The following ELMO1 variants were observed in gnomAD, a reference collection of about 807,000 sequenced individuals.
ELMO1 encodes engulfment and cell motility 1, also known as engulfment and cell motility protein 1.
In ELMO1, 26 loss-of-function variants were observed where a neutral mutation model predicts 98.9. The observed-to-expected ratio is 0.26, with a 90% CI of 0.19 to 0.36. The LOEUF (loss-of-function observed/expected upper bound fraction) is 0.36. Ranked by LOEUF, ELMO1 falls within the 10% of genes least tolerant of loss-of-function variation. The pLI, the probability that ELMO1 is intolerant of heterozygous loss-of-function variation, is 1.00. For synonymous variants in ELMO1, 346 were observed against 346.0 expected (o/e 1.00, Z 0.00); for missense variants, 627 against 935.2 (o/e 0.67, Z 4.30).
rs74482759 is a variant in ELMO1 at position 37,387,284 on chromosome 7, A to C, written c.-73-44521T>G. 1.3e-3 allele frequency among the ~76,000 whole-genome samples: 203 copies of C among 152,280 alleles called. 2 individuals are homozygous for C. The highest frequency in any genetic ancestry group is 4.6e-3 in the African/African-American group (190 of 41,556). On this transcript the variant is annotated intron_variant, in intron 1 of 21. Transcript: ENST00000310758. Reference sequence around the variant, plus strand: ...ACTGTCTCACAGTCGTGGAGGCTAGAAGTTACAAGGCCAAGATGTCAACAG... The same window carrying C: ...ACTGTCTCACAGTCGTGGAGGCTAGCAGTTACAAGGCCAAGATGTCAACAG...
intron 1 of ELMO1, among the ~76,000 whole-genome samples, chr7:37,372,601 C>G (rs1290826896): frequency 6.6e-6 from 1 of 152,178 alleles, no homozygotes; most frequent in Non-Finnish European, 1.5e-5. Flanking sequence ...ATAATGAGTG[C>G]TTTTTATAAC....
At position 37,069,093 on chromosome 7, in the gene ELMO1, G is replaced by C. The variant is rs1797135567; in HGVS notation, c.1300+27526C>G. 5.9e-5 allele frequency among the ~76,000 whole-genome samples: 9 copies of C among 152,208 alleles called. No individual in the cohort carries two copies. In the South Asian group the frequency reaches 1.9e-3, roughly 32 times the overall value. On this transcript the variant is annotated intron_variant, in intron 15 of 21. Transcript: ENST00000310758. ...CCTTCATTCCTCTAAGATTGCAGCT[G>C]CTGCTCCCTGGGAGCCTCCCAGTGG... is the stretch of plus-strand genomic sequence containing the variant.
chr7:37,133,716 T>G (rs1787079021), intron 13 of ELMO1, among the ~76,000 whole-genome samples: 1 of 152,154 alleles, frequency 6.6e-6, no homozygotes, highest in Non-Finnish European at 1.5e-5. Flanking sequence ...TGATGGGCTT[T>G]GTGAACTGTC....
intron 15 of ELMO1, among the ~76,000 whole-genome samples, chr7:37,041,439 A>T (rs1795501798): frequency 6.6e-6 from 1 of 152,194 alleles, no homozygotes; most frequent in African/African-American, 2.4e-5. Context: ...TTGGGATTGC[A>T]GCAGTGGTCT....
At chr7:37,067,776 C>T (rs567208366) in intron 15 of ELMO1, among the ~76,000 whole-genome samples, 4 of 151,262 alleles carry the variant, frequency 2.6e-5, no homozygotes, top group African/African-American at 9.7e-5. Flanking sequence ...GTTATTAACA[C>T]CATAAAGGTT....
intron 2 of ELMO1, among the ~76,000 whole-genome samples, chr7:37,317,269 C>T (rs1388584432): frequency 6.6e-6 from 1 of 152,172 alleles, no homozygotes; most frequent in Non-Finnish European, 1.5e-5. Flanking sequence ...TACGGTGTCC[C>T]TCCAGTGAAC....
chr7:37,262,726 G>A (rs1796036737), intron 5 of ELMO1, among the ~76,000 whole-genome samples: 1 of 152,240 alleles, frequency 6.6e-6, no homozygotes, highest in Admixed American at 6.5e-5. Context: ...ACTGTGGCAA[G>A]CCAGGTGGCG....
At chr7:37,107,149 C>T (rs1225697425) in intron 14 of ELMO1, among the ~76,000 whole-genome samples, 3 of 152,102 alleles carry the variant, frequency 2.0e-5, no homozygotes, top group Non-Finnish European at 2.9e-5. Flanking sequence ...ATTAAAAATA[C>T]ATGTATGAAC....
At chr7:37,205,002 G>C (rs1268033195) in intron 13 of ELMO1, among the ~76,000 whole-genome samples, 2 of 152,206 alleles carry the variant, frequency 1.3e-5, no homozygotes, top group Non-Finnish European at 2.9e-5. Context: ...TAGACACAGA[G>C]TACTGATTGG....
chr7:37,256,697 A>G (rs564692204), intron 6 of ELMO1, among the ~76,000 whole-genome samples: 13 of 132,586 alleles, frequency 9.8e-5, no homozygotes, highest in African/African-American at 3.7e-4. Flanking sequence ...GGAAGGAAGA[A>G]AGGAAGGAAG....
At chr7:37,277,149 G>A (rs1480505966) in intron 4 of ELMO1, among the ~76,000 whole-genome samples, 1 of 152,258 alleles carries the variant, frequency 6.6e-6, no homozygotes, top group East Asian at 1.9e-4. Context: ...CACCAAGGCA[G>A]ATACAAAGTT....
At chr7:37,235,523 C>T (rs1794413401) in intron 7 of ELMO1, among the ~76,000 whole-genome samples, 1 of 152,158 alleles carries the variant, frequency 6.6e-6, no homozygotes, top group Admixed American at 6.5e-5. Context: ...CCCATATACA[C>T]GCCATGGGAG....
At chr7:37,091,271 C>T (rs2129248725) in intron 15 of ELMO1, among the ~76,000 whole-genome samples, 1 of 152,166 alleles carries the variant, frequency 6.6e-6, no homozygotes, top group South Asian at 2.1e-4. Flanking sequence ...CCATGCCCGG[C>T]TAATTTTGTA....
intron 13 of ELMO1, among the ~76,000 whole-genome samples, chr7:37,163,614 T>C (rs1789397760): frequency 6.6e-6 from 1 of 152,058 alleles, no homozygotes; most frequent in Non-Finnish European, 1.5e-5. Flanking sequence ...GTTCTTGCGA[T>C]AGTTTACTGA....
In ELMO1 at chr7:37,164,652, A is replaced by G. The variant is rs1293004809; in HGVS notation, c.1087-31418T>C. On this transcript the variant is annotated intron_variant, in intron 13 of 21. Transcript: ENST00000310758. ...TGTCAAAGATCAGATAGTTGTAGAT[A>G]TGTGGCATTATTTCTGAGGGCTCTG... is the stretch of plus-strand genomic sequence containing the variant. Among the ~76,000 whole-genome samples, 24 of 151,676 alleles carry G rather than the reference A, an allele frequency of 1.6e-4. No homozygotes were observed. The East Asian group carries it at 4.5e-3, about 28-fold the overall frequency.
intron 13 of ELMO1, among the ~76,000 whole-genome samples, chr7:37,171,803 C>G (rs982531574): frequency 1.6e-4 from 24 of 152,034 alleles, no homozygotes; most frequent in African/African-American, 5.6e-4. Flanking sequence ...CCTTTCTCTT[C>G]TAATACATTT....
chr7:36,853,775 C>T lies in ELMO1; in HGVS notation c.*1776G>A, dbSNP rs149347670. Among the ~76,000 whole-genome samples, 375 of 152,284 alleles carry T rather than the reference C, an allele frequency of 2.5e-3. 1 individual carries two copies. The highest frequency in any genetic ancestry group is 8.4e-3 in the African/African-American group (350 of 41,566). ...GGCCAGAGTGGCTGGTGCTGTGCCA[C>T]GCTTAATACTGCATGCTTGGACCCT... On this transcript the variant is annotated 3_prime_UTR_variant, in exon 22 of 22. Coordinates refer to ENST00000310758, the MANE Select transcript of ELMO1 (RefSeq NM_014800.11).
chr7:37,265,366 C>T (rs140229267), intron 5 of ELMO1, among the ~76,000 whole-genome samples: 1 of 152,162 alleles, frequency 6.6e-6, no homozygotes, highest in African/African-American at 2.4e-5. Flanking sequence ...TTTCCAGCTG[C>T]AAAAATCTCT....
intron 1 of ELMO1, among the ~76,000 whole-genome samples, chr7:37,434,147 TC>T (rs1370973770): frequency 6.6e-6 from 1 of 152,198 alleles, no homozygotes; most frequent in East Asian, 1.9e-4. Flanking sequence ...GGAGAACAGA[TC>T]CAGGTTCAAA....
Sources: gnomAD v4.1 joint callset for allele counts (sites outside exome capture counted in the v4.1 genomes callset) on GRCh38, gnomAD v4.1.1 for gene constraint, MANE v1.5 for transcripts, NCBI Gene and HGNC (gene_info 2026-07-23, HGNC 2026-07-21) for gene names.